The following AUH variants were observed in gnomAD, a reference collection of about 807,000 sequenced individuals.
AUH encodes methylglutaconyl-CoA hydratase, mitochondrial.
A neutral mutation model predicts 42.3 loss-of-function variants in AUH; 29 were observed. The observed-to-expected ratio is 0.69, with a 90% CI of 0.51 to 0.93. AUH has a LOEUF of 0.93. Among genes scored for constraint, AUH ranks in the 40% least tolerant of loss-of-function variants. The pLI, the probability that AUH is intolerant of heterozygous loss-of-function variation, is 0.00. For synonymous variants in AUH, 174 were observed against 166.4 expected (o/e 1.05, Z -0.35); for missense variants, 452 against 438.1 (o/e 1.03, Z -0.28).
At chr9:91,356,939 C>T (rs1832454056) in intron 1 of AUH, among the ~76,000 whole-genome samples, 1 of 152,186 alleles carries the variant, frequency 6.6e-6, no homozygotes, top group Non-Finnish European at 1.5e-5. Flanking sequence ...GAAATACCTT[C>T]CACTGAGTCA....
At chr9:91,233,171 G>A (rs191327099) in intron 6 of AUH, among the ~76,000 whole-genome samples, 31 of 152,310 alleles carry the variant, frequency 2.0e-4, no homozygotes, top group Middle Eastern at 3.4e-3. Context: ...AAGAAAGCGG[G>A]GGGAGATGGA....
At chr9:91,276,883 TG>T (rs1406059778) in intron 6 of AUH, among the ~76,000 whole-genome samples, 3 of 152,150 alleles carry the variant, frequency 2.0e-5, no homozygotes, top group Admixed American at 6.5e-5. Flanking sequence ...AATGTGAAAA[TG>T]GGATAAAATC....
At chr9:91,311,443 A>G (rs545412760) in intron 4 of AUH, among the ~76,000 whole-genome samples, 15 of 152,352 alleles carry the variant, frequency 9.8e-5, no homozygotes, top group South Asian at 4.1e-4. Context: ...ATCATTTACA[A>G]AAACATGATT....
intron 4 of AUH, among the ~76,000 whole-genome samples, chr9:91,315,141 G>A (rs575163096): frequency 1.5e-4 from 23 of 152,142 alleles, no homozygotes; most frequent in Non-Finnish European, 2.9e-4. Context: ...GTTTCACCAC[G>A]TTGGCCAGGC....
chr9:91,298,702 C>A (rs879490107), intron 4 of AUH, among the ~76,000 whole-genome samples: 1 of 152,152 alleles, frequency 6.6e-6, no homozygotes, highest in Admixed American at 6.5e-5. Flanking sequence ...GTCAGCCAGT[C>A]ACAGAACTAA....
At chr9:91,229,686 G>A (rs1827750383) in intron 6 of AUH, among the ~76,000 whole-genome samples, 1 of 152,038 alleles carries the variant, frequency 6.6e-6, no homozygotes, top group African/African-American at 2.4e-5. Context: ...TTTGCAAGCG[G>A]CTGGTACCAG....
At chr9:91,251,746 T>C (rs1268338865) in intron 6 of AUH, among the ~76,000 whole-genome samples, 1 of 152,194 alleles carries the variant, frequency 6.6e-6, no homozygotes, top group Middle Eastern at 3.2e-3. Flanking sequence ...GATAAATTCT[T>C]ATACTGATCA....
chr9:91,222,615 A>C (rs1827196454), intron 6 of AUH, among the ~76,000 whole-genome samples: 1 of 152,230 alleles, frequency 6.6e-6, no homozygotes, highest in Non-Finnish European at 1.5e-5. Flanking sequence ...AGTGTAGTAA[A>C]GATAGGTCTG....
Position 91,357,389 on chromosome 9 carries a change from C to T in AUH, c.263-1234G>A, listed in dbSNP as rs969473599. ...AATCTAACTCTATACTTGAATAAAACTGTGTTACACTGTTCAAGCTTCAGT... is the reference window on the plus strand; with the variant it reads ...AATCTAACTCTATACTTGAATAAAATTGTGTTACACTGTTCAAGCTTCAGT... On this transcript the variant is annotated intron_variant, in intron 1 of 9. Coordinates refer to ENST00000375731, the MANE Select transcript of AUH (RefSeq NM_001698.3). 5 of 595,940 alleles carry T rather than the reference C, an allele frequency of 8.4e-6. 1 individual carries two copies. The Admixed American group carries it at 3.2e-4, about 38-fold the overall frequency. The allele number at this position is 595,940 out of a possible 1,614,324, so 36.9% of individuals were successfully genotyped here.
At chr9:91,291,965 A>G (rs1441428059) in intron 6 of AUH, among the ~76,000 whole-genome samples, 2 of 151,856 alleles carry the variant, frequency 1.3e-5, no homozygotes, top group East Asian at 3.9e-4. Flanking sequence ...GAAGGTTACT[A>G]TAACATGCAT....
At chr9:91,351,406 GT>G (rs1270267140) in intron 3 of AUH, among the ~76,000 whole-genome samples, 1 of 152,162 alleles carries the variant, frequency 6.6e-6, no homozygotes, top group Non-Finnish European at 1.5e-5. Flanking sequence ...GTATTTATAT[GT>G]CTTTATATGT....
chr9:91,314,502 A>C (rs1217930197), intron 4 of AUH, among the ~76,000 whole-genome samples: 4 of 151,694 alleles, frequency 2.6e-5, no homozygotes, highest in African/African-American at 4.9e-5. Flanking sequence ...AAAAAAAAAA[A>C]AAAACACCTT....
chr9:91,240,637 A>G (rs560242495), intron 6 of AUH, among the ~76,000 whole-genome samples: 1 of 152,066 alleles, frequency 6.6e-6, no homozygotes, highest in East Asian at 1.9e-4. Context: ...TTGAAATGTG[A>G]CTAGTATGGC....
chr9:91,230,621 A>AG (rs1827815125), intron 6 of AUH, among the ~76,000 whole-genome samples: 1 of 152,114 alleles, frequency 6.6e-6, no homozygotes, highest in Non-Finnish European at 1.5e-5. Flanking sequence ...TTGGAGGAGG[A>AG]GAGGCACTCT....
At chr9:91,314,117 C>T (rs138638998) in intron 4 of AUH, among the ~76,000 whole-genome samples, 74 of 152,216 alleles carry the variant, frequency 4.9e-4, no homozygotes, top group Admixed American at 1.3e-3. Context: ...AGCCACTGTG[C>T]CTGCCCATAA....
intron 1 of AUH, among the ~76,000 whole-genome samples, chr9:91,358,177 T>G (rs910905100): frequency 1.3e-5 from 2 of 152,196 alleles, no homozygotes; most frequent in Non-Finnish European, 2.9e-5. Context: ...AAGAAAGTGT[T>G]AAGGAGTATT....
intron 3 of AUH, among the ~76,000 whole-genome samples, chr9:91,344,442 C>T (rs1284322330): frequency 2.6e-5 from 4 of 152,162 alleles, no homozygotes; most frequent in Admixed American, 2.0e-4. Context: ...GACTGAACAC[C>T]TTGGGCACAC....
At chr9:91,233,961 G>C (rs1408632841) in intron 6 of AUH, among the ~76,000 whole-genome samples, 1 of 152,186 alleles carries the variant, frequency 6.6e-6, no homozygotes, top group Non-Finnish European at 1.5e-5. Context: ...ATTTGAGGGA[G>C]AATTATGGTC....
intron 6 of AUH, among the ~76,000 whole-genome samples, chr9:91,250,154 C>T (rs1405353675): frequency 1.3e-5 from 2 of 152,196 alleles, no homozygotes; most frequent in Non-Finnish European, 2.9e-5. Flanking sequence ...CCTCCACCTG[C>T]CAGGGCGAGC....
Sources: allele counts gnomAD v4.1 joint callset (sites outside exome capture counted in the v4.1 genomes callset), GRCh38; gene constraint gnomAD v4.1.1; transcripts MANE v1.5; gene names NCBI Gene and HGNC (gene_info 2026-07-23, HGNC 2026-07-21).